Variants in KCTD8 observed in about 807,000 individuals in gnomAD.
The protein encoded by KCTD8 is potassium channel tetramerization domain containing 8.
In KCTD8, 27 loss-of-function variants were observed where a neutral mutation model predicts 31.5. The observed-to-expected ratio is 0.86, with a 90% CI of 0.63 to 1.18. The LOEUF is 1.18. Among genes scored for constraint, KCTD8 ranks in the 50% most tolerant of loss-of-function variants. KCTD8 has a pLI of 0.00. For missense variants in KCTD8, 658 were observed against 647.7 expected (o/e 1.02, Z -0.17); for synonymous variants, 290 against 280.0 (o/e 1.04, Z -0.36).
intron 1 of KCTD8, among the ~76,000 whole-genome samples, chr4:44,330,549 G>T (rs193085333): frequency 7.5e-4 from 114 of 152,004 alleles, no homozygotes; most frequent in Non-Finnish European, 1.4e-3. Flanking sequence ...AAAGTAAGTA[G>T]TTAAAATGTG....
At chr4:44,430,263 CAGA>C (rs749954139) in intron 1 of KCTD8, among the ~76,000 whole-genome samples, 12 of 151,202 alleles carry the variant, frequency 7.9e-5, no homozygotes, top group Admixed American at 7.3e-4. Context: ...GAGTTGGGGT[CAGA>C]AGAAGAACTG....
In KCTD8 at chr4:44,188,628, T is replaced by A. The variant is rs1713665457; in HGVS notation, c.962-13378A>T. Among the ~76,000 whole-genome samples the A allele has an allele frequency of 3.3e-5, 5 of 152,126 alleles. No individual in the cohort carries two copies. The South Asian group carries it at 1.0e-3, about 32-fold the overall frequency. ...AAGTCTTTGTAGAGGTAATTAAGGA[T>A]TTCGAGATGGTGAAATTATTCTGGA... On this transcript the variant is annotated intron_variant, in intron 1 of 1. Transcript: ENST00000360029.
intron 1 of KCTD8, among the ~76,000 whole-genome samples, chr4:44,203,896 A>AAT (rs1714224842): frequency 1.3e-5 from 2 of 151,930 alleles, no homozygotes; most frequent in South Asian, 4.1e-4. Flanking sequence ...AACATGAAGT[A>AAT]ATATATATAA....
chr4:44,261,048 G>A (rs564282699), intron 1 of KCTD8, among the ~76,000 whole-genome samples: 64 of 152,126 alleles, frequency 4.2e-4, no homozygotes, highest in African/African-American at 1.5e-3. Flanking sequence ...GGGATTAGAA[G>A]TGGTAAGACT....
chr4:44,416,374 C>A (rs4373196), intron 1 of KCTD8, among the ~76,000 whole-genome samples: 58,173 of 151,902 alleles, frequency 0.38, 12,013 homozygotes, highest in South Asian at 0.52. Context: ...CTTTAGGGGA[C>A]TATTAAGGGA....
chr4:44,174,523 C>A lies in KCTD8; in HGVS notation c.*267G>T, dbSNP rs1206587996. 1.9e-5 allele frequency: 6 copies of A among 323,822 alleles called. No homozygotes were observed. Among genetic ancestry groups the A allele is most frequent in the Non-Finnish European group, 2.8e-5 (5 of 178,518 alleles). 20.1% of individuals were successfully genotyped at this position (323,822 alleles called of 1,614,324 possible). A position where few individuals can be genotyped will look rare whatever the true frequency, so the allele number is the denominator to read the frequency against. On this transcript the variant is annotated 3_prime_UTR_variant, in exon 2 of 2. Transcript: ENST00000360029. ...AACCAAGATACTAAGCTTGATCATG[C>A]ACATTTTACTTTCATTCTTGTAAAA...
At chr4:44,247,024 A>C (rs965055006) in intron 1 of KCTD8, among the ~76,000 whole-genome samples, 135 of 152,060 alleles carry the variant, frequency 8.9e-4, no homozygotes, top group Non-Finnish European at 6.9e-4. Flanking sequence ...TTATTTGTAG[A>C]GTTATCATTT....
intron 1 of KCTD8, among the ~76,000 whole-genome samples, chr4:44,211,390 A>G (rs912862530): frequency 6.6e-6 from 1 of 152,190 alleles, no homozygotes; most frequent in Non-Finnish European, 1.5e-5. Context: ...CATATATAAT[A>G]TCTGGTCTGG....
At chr4:44,370,211 C>T (rs76257998) in intron 1 of KCTD8, among the ~76,000 whole-genome samples, 13,784 of 152,130 alleles carry the variant, frequency 0.091, 660 homozygotes, top group Middle Eastern at 0.13. Context: ...AATGGGGTTA[C>T]TTCCTGAACT....
intron 1 of KCTD8, among the ~76,000 whole-genome samples, chr4:44,206,561 C>T (rs528557178): frequency 5.3e-5 from 8 of 152,260 alleles, no homozygotes; most frequent in South Asian, 2.1e-4. Flanking sequence ...CCAAGGGCTG[C>T]GTAAAGTGGT....
Position 44,207,846 on chromosome 4 carries a change from A to G in KCTD8, c.962-32596T>C, listed in dbSNP as rs1284283229. ...GGGAAGCCTAAGATAATGCTGGAAGATGAAATTGCTTTGCCTGAGCAGTTT... is the reference window on the plus strand; with the variant it reads ...GGGAAGCCTAAGATAATGCTGGAAGGTGAAATTGCTTTGCCTGAGCAGTTT... On this transcript the variant is annotated intron_variant, in intron 1 of 1. Coordinates refer to ENST00000360029, the MANE Select transcript of KCTD8 (RefSeq NM_198353.3). 2.6e-5 allele frequency among the ~76,000 whole-genome samples: 4 copies of G among 152,192 alleles called. No homozygotes were observed. The East Asian group carries it at 7.7e-4, about 29-fold the overall frequency.
chr4:44,362,769 AT>A (rs752532331), intron 1 of KCTD8, among the ~76,000 whole-genome samples: 13,891 of 143,296 alleles, frequency 0.097, 670 homozygotes, highest in Middle Eastern at 0.12. Flanking sequence ...GTTAAAGGTA[AT>A]TTTTTTTTTT....
chr4:44,448,365 C>T lies in KCTD8; in HGVS notation c.159G>A (p.Gln53=). 2 of 1,593,330 alleles carry T rather than the reference C, an allele frequency of 1.3e-6. No individual in the cohort carries two copies. The highest frequency in any genetic ancestry group is 1.7e-6 in the Non-Finnish European group (2 of 1,170,728). ...PEVVELNVGG[Q]VYVTKHSTLL... is the part of the protein sequence containing the mutation. Reference sequence around the variant, plus strand: ...GCGTCGAGTGCTTGGTCACATAAACCTGGCCGCCTACGTTCAGCTCCACTA... The same window carrying T: ...GCGTCGAGTGCTTGGTCACATAAACTTGGCCGCCTACGTTCAGCTCCACTA... The change falls in exon 1 of 2, where the codon CAG becomes CAA. Residue 53 remains glutamine (Q), a synonymous_variant. Transcript: ENST00000360029. This position sits in a 1 kb window ranked among gnomAD's most constrained non-coding sequence, Gnocchi z 4.1.
At chr4:44,223,028 C>A (rs1302562025) in intron 1 of KCTD8, among the ~76,000 whole-genome samples, 1 of 152,008 alleles carries the variant, frequency 6.6e-6, no homozygotes, top group Admixed American at 6.5e-5. Context: ...TAACTGGCTT[C>A]ATTATGTAGA....
chr4:44,401,011 C>CTTTTTTT (rs59602420), intron 1 of KCTD8, among the ~76,000 whole-genome samples: 35 of 95,910 alleles, frequency 3.6e-4, no homozygotes, highest in East Asian at 7.2e-4. Flanking sequence ...AATTTTCTTT[C>CTTTTTTT]TTTTTTTTTT....
chr4:44,294,221 A>G (rs758381712), intron 1 of KCTD8, among the ~76,000 whole-genome samples: 26 of 152,174 alleles, frequency 1.7e-4, no homozygotes, highest in Non-Finnish European at 3.5e-4. Flanking sequence ...TCCTCTTAGT[A>G]CTATCTGGTC....
Position 44,446,037 on chromosome 4 carries a change from A to C in KCTD8, c.961+1526T>G, listed in dbSNP as rs10013992. Among the ~76,000 whole-genome samples the C allele has an allele frequency of 7.1e-3, 1,084 of 152,284 alleles. 16 individuals carry two copies. The highest frequency in any genetic ancestry group is 0.025 in the African/African-American group (1,035 of 41,550). ...AATTAAGACAGTTTTTTAGCTTCCA[A>C]TTCAGTGGACAGACACTTCATTTGC... On this transcript the variant is annotated intron_variant, in intron 1 of 1. Transcript: ENST00000360029.
chr4:44,181,987 A>G (rs1161573705), intron 1 of KCTD8, among the ~76,000 whole-genome samples: 122 of 126,312 alleles, frequency 9.7e-4, no homozygotes, highest in African/African-American at 1.5e-3. Flanking sequence ...CAGCCGCCCC[A>G]TCTGAGAAGT....
chr4:44,413,198 T>C (rs1720999597), intron 1 of KCTD8, among the ~76,000 whole-genome samples: 1 of 152,206 alleles, frequency 6.6e-6, no homozygotes, highest in South Asian at 2.1e-4. Flanking sequence ...AAATGTACTG[T>C]ATAATTTACT....
Sources: gnomAD v4.1 joint callset for allele counts (sites outside exome capture counted in the v4.1 genomes callset) on GRCh38, gnomAD v4.1.1 for gene constraint, Gnocchi (gnomAD v3.1) non-coding constraint, MANE v1.5 for transcripts, NCBI Gene and HGNC (gene_info 2026-07-23, HGNC 2026-07-21) for gene names.